Variants in GALNT12 observed in about 807,000 individuals in gnomAD.
GALNT12 encodes polypeptide N-acetylgalactosaminyltransferase 12.
GALNT12 carries 45 observed loss-of-function variants against 55.5 expected under a neutral mutation model. The ratio of observed to expected loss-of-function variants is 0.81; its 90% confidence interval spans 0.64 to 1.04. GALNT12 has a LOEUF of 1.04. Among genes scored for constraint, GALNT12 ranks in the 50% least tolerant of loss-of-function variants. The pLI, the probability that GALNT12 is intolerant of heterozygous loss-of-function variation, is 0.00. For missense variants in GALNT12, 709 were observed against 754.8 expected, an observed-to-expected ratio of 0.94 and a Z score of 0.71; for synonymous variants, 304 against 312.2, an observed-to-expected ratio of 0.97 and a Z score of 0.28.
chr9:98,823,499 G>A (rs73496150), intron 2 of GALNT12, 74 bp downstream of exon 2: 3 of 1,389,944 alleles, frequency 2.2e-6, no homozygotes, highest in Non-Finnish European at 3.1e-6. Flanking sequence ...GTGGGATGCA[G>A]GAGGGCTAAA....
chr9:98,835,769 T>C (rs1836127081), intron 5 of GALNT12, among the ~76,000 whole-genome samples: 1 of 151,804 alleles, frequency 6.6e-6, no homozygotes, highest in Non-Finnish European at 1.5e-5. Context: ...GGAGTCTCGC[T>C]CTGTCGCCCA....
chr9:98,840,284 A>G (rs1052569534), intron 7 of GALNT12, 151 bp downstream of exon 7: 1 of 800,630 alleles, frequency 1.2e-6, no homozygotes, highest in Non-Finnish European at 1.9e-6. Context: ...CTTTTTATCC[A>G]CTGCCCTTCT....
chr9:98,807,779 A>T lies in GALNT12; in HGVS notation c.81A>T (p.Leu27=), dbSNP rs1835407102. Residue 27 remains leucine, a synonymous_variant, in exon 1 of 10, where the codon CTA becomes CTT. Coordinates refer to ENST00000375011, the MANE Select transcript of GALNT12 (RefSeq NM_024642.5). ...GREALLVLLA[L]LALAGLGSVL... ...AGGCGCTGTTGGTGCTCCTGGCGCT[A>T]CTGGCGTTGGCCGGGCTGGGCTCGG... 8.7e-7 allele frequency: 1 copy of T among 1,153,946 alleles called. No homozygotes were observed. Among genetic ancestry groups the T allele is most frequent in the South Asian group, 2.6e-5 (1 of 37,736 alleles). The allele number at this position is 1,153,946 out of a possible 1,614,324, so 71.5% of individuals were successfully genotyped here.
intron 1 of GALNT12, among the ~76,000 whole-genome samples, chr9:98,817,811 G>A (rs906814218): frequency 3.9e-5 from 6 of 152,064 alleles, no homozygotes; most frequent in African/African-American, 1.2e-4. Context: ...ATTGAGGAGG[G>A]CATTTGTAAG....
Position 98,813,019 on chromosome 9 carries a change from A to G in GALNT12, c.371+4950A>G, listed in dbSNP as rs571333104. Reference sequence around the variant, plus strand: ...AAATTAGAATAGCTAAAAATGCAGTATTTATTTGTTCAGATTTATCCACAA... The same window carrying G: ...AAATTAGAATAGCTAAAAATGCAGTGTTTATTTGTTCAGATTTATCCACAA... On this transcript the variant is annotated intron_variant, in intron 1 of 9. Transcript: ENST00000375011. Among the ~76,000 whole-genome samples the G allele has an allele frequency of 3.3e-5, 5 of 152,332 alleles. No individual in the cohort carries two copies. In the South Asian group the frequency reaches 1.0e-3, roughly 32 times the overall value.
At chr9:98,828,706 A>G (rs557084064) in intron 3 of GALNT12, among the ~76,000 whole-genome samples, 95 of 152,326 alleles carry the variant, frequency 6.2e-4, no homozygotes, top group African/African-American at 2.2e-3. Flanking sequence ...GTAGGTGTAT[A>G]TATTTATGGG....
chr9:98,846,172 G>C (rs756706295), intron 9 of GALNT12, 49 bp downstream of exon 9: 1 of 1,607,644 alleles, frequency 6.2e-7, no homozygotes, highest in Non-Finnish European at 8.5e-7. Flanking sequence ...TGGGCTATAA[G>C]GGAGAGTGTG....
rs1485841263 is a variant in GALNT12 at position 98,849,323 on chromosome 9, G to A, written c.*231G>A. 8 of 597,094 alleles carry A rather than the reference G, an allele frequency of 1.3e-5. No homozygotes were observed. The highest frequency in any genetic ancestry group is 7.4e-5 in the African/African-American group (4 of 53,808). 37.0% of individuals were successfully genotyped at this position (597,094 alleles called of 1,614,324 possible). ...GTTCCAAAATACCCTATTTTCAAAG[G>A]GTAATCGTAAGATGTTAACCCTTGG... On this transcript the variant is annotated 3_prime_UTR_variant, in exon 10 of 10. Transcript: ENST00000375011.
At position 98,808,186 on chromosome 9, in the gene GALNT12, T is replaced by A. The variant is rs554353537; in HGVS notation, c.371+117T>A. On this transcript the variant is annotated intron_variant, in intron 1 of 9. Transcript: ENST00000375011. ...CTCCAGGATGGCGCGTCTTATTGAG[T>A]CTTTCTCCGAAGACGATAGTGTAAG... The A allele has an allele frequency of 3.4e-5, 26 of 761,592 alleles. 1 individual carries two copies. Among genetic ancestry groups the A allele is most frequent in the Middle Eastern group, 3.9e-4 (1 of 2,548 alleles). The allele number at this position is 761,592 out of a possible 1,614,324, so 47.2% of individuals were successfully genotyped here. A position where few individuals can be genotyped will look rare whatever the true frequency, so the allele number is the denominator to read the frequency against.
intron 2 of GALNT12, among the ~76,000 whole-genome samples, chr9:98,824,701 A>G (rs1456754458): frequency 6.6e-6 from 1 of 152,190 alleles, no homozygotes. Flanking sequence ...ACGATGATCC[A>G]GTTATGGCAC....
At chr9:98,826,717 C>G (rs766301662) in intron 2 of GALNT12, 35 bp from the exon 3 acceptor site, 1 of 1,599,672 alleles carries the variant, frequency 6.3e-7, no homozygotes, top group Non-Finnish European at 8.5e-7. Context: ...CCGAGATTGT[C>G]ACGGTGACCC....
rs1835870575 is a variant in GALNT12, at chr9:98,826,892, G to C, written c.682G>C (p.Asp228His). ...GAGGGGCGATGTTCTGACCTTCCTG[G>C]ACTGTCACTGTGAGTGCCACGAAGG... ...AARGDVLTFL[D>H]CHCECHEGWL... The change falls in exon 3 of 10, where the codon GAC (aspartate) becomes CAC (histidine). Residue 228 changes from aspartate (D) to histidine (H), a missense_variant. Asp to His is a moderately conservative substitution (Grantham distance 81). This residue lies in a region of GALNT12 where 315 missense variants were observed against 288.6 expected (regional missense o/e 1.09). Transcript: ENST00000375011. The C allele has an allele frequency of 6.3e-7, 1 of 1,585,802 alleles. No individual in the cohort carries two copies. Among genetic ancestry groups the C allele is most frequent in the African/African-American group, 1.3e-5 (1 of 74,384 alleles).
At chr9:98,813,336 T>C (rs1253157683) in intron 1 of GALNT12, among the ~76,000 whole-genome samples, 1 of 152,236 alleles carries the variant, frequency 6.6e-6, no homozygotes, top group Non-Finnish European at 1.5e-5. Flanking sequence ...TCATTCTTGT[T>C]TCTTTGTCAT....
intron 8 of GALNT12, chr9:98,844,568 T>C: frequency 3.5e-6 from 1 of 286,000 alleles, no homozygotes; most frequent in Non-Finnish European, 6.7e-6. Flanking sequence ...CGTTAACTGG[T>C]TCCCTGCCTC....
chr9:98,835,225 A>C, intron 4 of GALNT12, 24 bp from the exon 5 acceptor site: 4 of 1,490,158 alleles, frequency 2.7e-6, no homozygotes, highest in Non-Finnish European at 3.7e-6. Context: ...TCTACAGTGA[A>C]ATAAGGATAT....
chr9:98,831,629 C>A, intron 3 of GALNT12, 143 bp from the exon 4 acceptor site: 1 of 989,248 alleles, frequency 1.0e-6, no homozygotes, highest in Non-Finnish European at 1.6e-6. Context: ...GCTGCAGACA[C>A]CTGGAATAAG....
chr9:98,825,935 A>G (rs899847260), intron 2 of GALNT12, among the ~76,000 whole-genome samples: 1 of 151,888 alleles, frequency 6.6e-6, no homozygotes. Flanking sequence ...TGATCATGCC[A>G]CTGCACTCTA....
At chr9:98,818,036 T>C (rs1352094317) in intron 1 of GALNT12, among the ~76,000 whole-genome samples, 5 of 152,216 alleles carry the variant, frequency 3.3e-5, no homozygotes, top group Non-Finnish European at 7.3e-5. Context: ...TTAATCACTT[T>C]TTCTCTTTCT....
chr9:98,830,945 CA>C (rs1835979389), intron 3 of GALNT12, among the ~76,000 whole-genome samples: 1 of 152,156 alleles, frequency 6.6e-6, no homozygotes, highest in East Asian at 1.9e-4. Context: ...AAATTCCAGA[CA>C]ACGTCCCCCA....
Sources: gnomAD v4.1 joint callset for allele counts (sites outside exome capture counted in the v4.1 genomes callset) on GRCh38, gnomAD v4.1.1 for gene constraint, gnomAD v4.1.1 regional missense constraint, MANE v1.5 for transcripts, NCBI Gene and HGNC (gene_info 2026-07-23, HGNC 2026-07-21) for gene names.